The following TRAPPC6A variants were observed in gnomAD, a reference collection of about 807,000 sequenced individuals.
TRAPPC6A encodes trafficking protein particle complex subunit 6A.
Under a neutral mutation model 20.8 loss-of-function variants are expected in TRAPPC6A, and 25 were observed. That is an observed-to-expected ratio of 1.20 (90% CI 0.88 to 1.68). TRAPPC6A has a LOEUF of 1.68. Among genes scored for constraint, TRAPPC6A ranks in the 40% most tolerant of loss-of-function variants. The pLI is 0.00. For missense variants in TRAPPC6A, 215 were observed against 211.6 expected (o/e 1.02, Z -0.10); for synonymous variants, 96 against 93.3 (o/e 1.03, Z -0.16).
Position 45,163,058 on chromosome 19 carries a change from T to C in TRAPPC6A, c.*134A>G, listed in dbSNP as rs1371503585. The C allele has an allele frequency of 2.0e-6, 2 of 1,022,918 alleles. No homozygotes were observed. The highest frequency in any genetic ancestry group is 3.2e-5 in the African/African-American group (2 of 61,604). The allele number at this position is 1,022,918 out of a possible 1,614,324, so 63.4% of individuals were successfully genotyped here. ...CTCTGACACCCCCACCTCAATTTGA[T>C]ACCCACTTCCTGAGCAAATGTGACC... On this transcript the variant is annotated 3_prime_UTR_variant, in exon 6 of 6. Coordinates refer to ENST00000585934, the MANE Select transcript of TRAPPC6A (RefSeq NM_001270891.2). The surrounding 1 kb of genome is among the most constrained non-coding windows in gnomAD (Gnocchi z 5.3).
chr19:45,175,218 G>A (rs1298575243), intron 1 of TRAPPC6A, among the ~76,000 whole-genome samples: 1 of 149,508 alleles, frequency 6.7e-6, no homozygotes, highest in Non-Finnish European at 1.5e-5. Context: ...CCCAGATCGC[G>A]CCACTGCACT....
At position 45,163,133 on chromosome 19, in the gene TRAPPC6A, G is replaced by A. The variant is rs911817547; in HGVS notation, c.*59C>T. On this transcript the variant is annotated 3_prime_UTR_variant, in exon 6 of 6. Coordinates refer to ENST00000585934, the MANE Select transcript of TRAPPC6A (RefSeq NM_001270891.2). This position sits in a 1 kb window ranked among gnomAD's most constrained non-coding sequence, Gnocchi z 5.3. ...CACCCCGAAATGCAGCGGCCCCACC[G>A]TCTCCTGAGGCCGGTGAGGCCAGGG... 6.5e-5 allele frequency: 105 copies of A among 1,605,504 alleles called. No homozygotes were observed. The Middle Eastern group carries it at 8.3e-4, about 13-fold the overall frequency.
Position 45,164,246 on chromosome 19 carries a change from C to T in TRAPPC6A, c.272G>A (p.Gly91Glu), listed in dbSNP as rs1186366201. 1.9e-6 allele frequency: 3 copies of T among 1,600,282 alleles called. No homozygotes were observed. Among genetic ancestry groups the T allele is most frequent in the South Asian group, 1.1e-5 (1 of 88,742 alleles). ...GCTGTTGTCTTGCAGGACGTAGGTC[C>T]CCTGGGGGAGAGGAGAGGCTGGTGG... ...QMDSLRTNHQ[G>E]TYVLQDNSFP... The change falls in exon 4 of 6, where the codon GGG becomes GAG. Residue 91 changes from glycine to glutamate, a missense_variant and splice_region_variant. By Grantham distance (98) the Gly-to-Glu change is moderately conservative (BLOSUM62 -2). Transcript: ENST00000585934.
chr19:45,166,493 G>C (rs1158571282), intron 1 of TRAPPC6A, among the ~76,000 whole-genome samples: 1 of 151,190 alleles, frequency 6.6e-6, no homozygotes, highest in Non-Finnish European at 1.5e-5. Flanking sequence ...ACAGGCAAAA[G>C]CCACTGCACC....
At position 45,163,230 on chromosome 19, in the gene TRAPPC6A, GAGA is replaced by G; in HGVS notation, c.449-10_449-8del. Reference sequence around the variant, plus strand: ...ATCACCACCTGGAACTTACCTGGAAGAGAAGGCCTGGCTTAGGCTTGAGGATGG... The same window carrying G: ...ATCACCACCTGGAACTTACCTGGAAGAGGCCTGGCTTAGGCTTGAGGATGG... On this transcript the variant is annotated splice_region_variant and splice_polypyrimidine_tract_variant and intron_variant, in intron 5 of 5. Coordinates refer to ENST00000585934, the MANE Select transcript of TRAPPC6A (RefSeq NM_001270891.2). This position sits in a 1 kb window ranked among gnomAD's most constrained non-coding sequence, Gnocchi z 5.3. 1.2e-6 allele frequency: 2 copies of G among 1,613,926 alleles called. No individual in the cohort carries two copies. The highest frequency in any genetic ancestry group is 1.7e-6 in the Non-Finnish European group (2 of 1,179,878).
At chr19:45,169,389 T>C (rs891006780) in intron 1 of TRAPPC6A, among the ~76,000 whole-genome samples, 1 of 152,178 alleles carries the variant, frequency 6.6e-6, no homozygotes, top group Non-Finnish European at 1.5e-5. Flanking sequence ...CTCTACCTCC[T>C]GGGTTCAGGT....
At position 45,165,451 on chromosome 19, in the gene TRAPPC6A, C is replaced by G. The variant is rs546914889; in HGVS notation, c.85-257G>C. On this transcript the variant is annotated intron_variant, in intron 1 of 5. Coordinates refer to ENST00000585934, the MANE Select transcript of TRAPPC6A (RefSeq NM_001270891.2). ...CATCAGCCCCCAAGAACCAGCTCCCCCTTCCCTCAGGAACAATGGGGGTCT... is the reference window on the plus strand; with the variant it reads ...CATCAGCCCCCAAGAACCAGCTCCCGCTTCCCTCAGGAACAATGGGGGTCT... 7.2e-5 allele frequency among the ~76,000 whole-genome samples: 11 copies of G among 152,364 alleles called. No homozygotes were observed. The South Asian group carries it at 1.4e-3, about 20-fold the overall frequency.
intron 1 of TRAPPC6A, 96 bp downstream of exon 1, chr19:45,178,039 G>A (rs1033436103): frequency 6.3e-7 from 1 of 1,585,166 alleles, no homozygotes; most frequent in East Asian, 2.3e-5. Context: ...CCGGGGCTGG[G>A]CCGGGTTCGA....
chr19:45,166,410 T>C (rs1212676998), intron 1 of TRAPPC6A, among the ~76,000 whole-genome samples: 1 of 151,808 alleles, frequency 6.6e-6, no homozygotes, highest in African/African-American at 2.4e-5. Context: ...GGTTTCACCA[T>C]GTTGGCCAGG....
intron 3 of TRAPPC6A, 38 bp downstream of exon 3, chr19:45,164,815 C>T (rs1303219428): frequency 1.9e-6 from 3 of 1,588,094 alleles, no homozygotes; most frequent in Admixed American, 1.7e-5. Flanking sequence ...GTCTTGCCCT[C>T]AGGAGGAAGC....
At chr19:45,165,237 A>T in intron 1 of TRAPPC6A, 43 bp from the exon 2 acceptor site, 1 of 1,555,676 alleles carries the variant, frequency 6.4e-7, no homozygotes, top group South Asian at 1.2e-5. Context: ...CTTAGCCACC[A>T]CGAACCCGGG....
intron 1 of TRAPPC6A, among the ~76,000 whole-genome samples, chr19:45,165,889 C>G (rs1256130637): frequency 6.6e-6 from 1 of 151,172 alleles, no homozygotes; most frequent in African/African-American, 2.4e-5. Context: ...GAGGGCATGG[C>G]TGGAGGAGAG....
At chr19:45,170,152 G>C (rs780996267) in intron 1 of TRAPPC6A, among the ~76,000 whole-genome samples, 1 of 152,200 alleles carries the variant, frequency 6.6e-6, no homozygotes, top group Non-Finnish European at 1.5e-5. Context: ...GGCCCTCAGA[G>C]TGGGCTGCAG....
In TRAPPC6A at chr19:45,163,976, C is replaced by T. The variant is rs369161508; in HGVS notation, c.388G>A (p.Ala130Thr). Reference protein sequence around the residue: ...LAFTCGLLRGALYTLGIESVV... With the variant: ...LAFTCGLLRGTLYTLGIESVV... ...CTCTCAATGCCCAGGGTATAGAGGG[C>T]GCCGCGCAGGAGGCCGCAGGTGAAG... The change falls in exon 5 of 6, where the codon GCC becomes ACC. Residue 130 changes from alanine (A) to threonine (T), a missense_variant. By Grantham distance (58) the Ala-to-Thr change is moderately conservative. Transcript: ENST00000585934. This position sits in a 1 kb window ranked among gnomAD's most constrained non-coding sequence, Gnocchi z 5.3. 2.5e-5 allele frequency: 40 copies of T among 1,579,388 alleles called. No individual in the cohort carries two copies. The highest frequency in any genetic ancestry group is 1.7e-4 in the Middle Eastern group (1 of 6,024).
rs531167313 is a variant in TRAPPC6A, at chr19:45,167,460, C to T, written c.85-2266G>A. Among the ~76,000 whole-genome samples, 213 of 152,250 alleles carry T rather than the reference C, an allele frequency of 1.4e-3. 2 individuals carry two copies. Among genetic ancestry groups the T allele is most frequent in the African/African-American group, 5.0e-3 (209 of 41,554 alleles). The stretch of plus-strand genomic sequence containing the variant: ...TACATACGTTTAAGAAAGATTAGGC[C>T]GGGCGCAGTGGCTCACTCCTGTAAT... On this transcript the variant is annotated intron_variant, in intron 1 of 5. Coordinates refer to ENST00000585934, the MANE Select transcript of TRAPPC6A (RefSeq NM_001270891.2).
At position 45,167,442 on chromosome 19, in the gene TRAPPC6A, G is replaced by A. The variant is rs186748970; in HGVS notation, c.85-2248C>T. On this transcript the variant is annotated intron_variant, in intron 1 of 5. Coordinates refer to ENST00000585934, the MANE Select transcript of TRAPPC6A (RefSeq NM_001270891.2). ...TGAAATAAATGTGAGCTATACATAC[G>A]TTTAAGAAAGATTAGGCCGGGCGCA... Among the ~76,000 whole-genome samples the A allele has an allele frequency of 1.4e-3, 210 of 152,284 alleles. 4 individuals are homozygous for A. The highest frequency in any genetic ancestry group is 4.5e-3 in the African/African-American group (185 of 41,552).
rs762810119 is a variant in TRAPPC6A, at chr19:45,178,126, G to A, written c.84+9C>T. Reference sequence around the variant, plus strand: ...CCCCCGCTTCCTCCCCACGGAGCCCGGCGCTCACCCCCGGGCCGGGGTCGG... The same window carrying A: ...CCCCCGCTTCCTCCCCACGGAGCCCAGCGCTCACCCCCGGGCCGGGGTCGG... On this transcript the variant is annotated intron_variant, in intron 1 of 5. Coordinates refer to ENST00000585934, the MANE Select transcript of TRAPPC6A (RefSeq NM_001270891.2). 7 of 1,612,994 alleles carry A rather than the reference G, an allele frequency of 4.3e-6. No individual in the cohort carries two copies. The Admixed American group carries it at 1.0e-4, about 23-fold the overall frequency.
At chr19:45,177,048 C>A (rs1157143150) in intron 1 of TRAPPC6A, among the ~76,000 whole-genome samples, 1 of 152,144 alleles carries the variant, frequency 6.6e-6, no homozygotes, top group Non-Finnish European at 1.5e-5. Flanking sequence ...TGTGGTGGCG[C>A]CAGCAGCGCT....
chr19:45,172,496 G>A lies in TRAPPC6A; in HGVS notation c.84+5639C>T, dbSNP rs1033379559. Among the ~76,000 whole-genome samples, 1 of 151,654 alleles carries A rather than the reference G, an allele frequency of 6.6e-6. No homozygotes were observed. The highest frequency in any genetic ancestry group is 1.5e-5 in the Non-Finnish European group (1 of 68,036). On this transcript the variant is annotated intron_variant, in intron 1 of 5. Coordinates refer to ENST00000585934, the MANE Select transcript of TRAPPC6A (RefSeq NM_001270891.2). The surrounding 1 kb of genome is among the most constrained non-coding windows in gnomAD (Gnocchi z 4.2). ...GCTGAGCCACTCTGTGCCAGGCCCAGGGGTGTGGTGGGGAACCCAGGGAAG... is the reference window on the plus strand; with the variant it reads ...GCTGAGCCACTCTGTGCCAGGCCCAAGGGTGTGGTGGGGAACCCAGGGAAG...
Sources: allele counts gnomAD v4.1 joint callset (sites outside exome capture counted in the v4.1 genomes callset), GRCh38; gene constraint gnomAD v4.1.1; non-coding constraint Gnocchi (gnomAD v3.1); transcripts MANE v1.5; gene names NCBI Gene and HGNC (gene_info 2026-07-23, HGNC 2026-07-21).